PCGF5: variants seen among roughly 807,000 people sequenced by gnomAD.
PCGF5 encodes polycomb group ring finger 5, also known as polycomb group RING finger protein 5.
PCGF5 carries 9 observed loss-of-function variants against 44.3 expected under a neutral mutation model. The observed-to-expected ratio is 0.20, with a 90% CI of 0.12 to 0.35. PCGF5 has a LOEUF of 0.35. PCGF5 is among the 10% of genes least tolerant of loss of function. PCGF5 has a pLI of 1.00. For missense variants in PCGF5, 146 were observed against 305.3 expected, an observed-to-expected ratio of 0.48 and a Z score of 3.89; for synonymous variants, 95 against 102.5, an observed-to-expected ratio of 0.93 and a Z score of 0.44.
intron 2 of PCGF5, chr10:91,227,279 A>C (rs894344925): frequency 2.0e-6 from 1 of 508,340 alleles, no homozygotes; most frequent in Non-Finnish European, 3.6e-6. Flanking sequence ...CTGAGACTTC[A>C]GCTACCTGTG....
intron 1 of PCGF5, among the ~76,000 whole-genome samples, chr10:91,206,038 C>T (rs939935051): frequency 6.6e-6 from 1 of 152,146 alleles, no homozygotes; most frequent in Non-Finnish European, 1.5e-5. Flanking sequence ...AACAAAAAAA[C>T]TAAAAGACAT....
Position 91,222,949 on chromosome 10 carries a change from C to A in PCGF5, c.78C>A (p.Ile26=). Residue 26 remains isoleucine, a synonymous_variant, in exon 2 of 10, where the codon ATC becomes ATA. Coordinates refer to ENST00000336126, the MANE Select transcript of PCGF5 (RefSeq NM_032373.5). The part of the protein sequence containing the change: ...ITCYICKGYL[I]KPTTVTECLH... ...GCTATATCTGTAAAGGGTATCTGATCAAGCCAACAACAGTGACGGAATGCC... is the reference window on the plus strand; with the variant it reads ...GCTATATCTGTAAAGGGTATCTGATAAAGCCAACAACAGTGACGGAATGCC... 1 of 1,610,970 alleles carries A rather than the reference C, an allele frequency of 6.2e-7. No individual in the cohort carries two copies. Among genetic ancestry groups the A allele is most frequent in the Non-Finnish European group, 8.5e-7 (1 of 1,177,110 alleles).
upstream of PCGF5, among the ~76,000 whole-genome samples, chr10:91,159,471 G>A (rs1451788092): frequency 6.6e-6 from 1 of 152,108 alleles, no homozygotes; most frequent in African/African-American, 2.4e-5. Flanking sequence ...ACCCCAGAGA[G>A]CTCCGAGGCT....
upstream of PCGF5, among the ~76,000 whole-genome samples, chr10:91,161,323 G>A (rs977297321): frequency 1.3e-5 from 2 of 151,810 alleles, no homozygotes; most frequent in Non-Finnish European, 2.9e-5. Flanking sequence ...GAATACTTTC[G>A]CTGGATTCAC....
rs1358316812 is a variant in PCGF5 at position 91,279,523 on chromosome 10, A to ATTTTGCAG, written c.*1213_*1220dup. ...AGATCAGAAATACAAAATGTCCTGT[A>ATTTTGCAG]TTTTGCAGTTTTGTTAAGTCTTCCA... On this transcript the variant is annotated 3_prime_UTR_variant, in exon 10 of 10. Coordinates refer to ENST00000336126, the MANE Select transcript of PCGF5 (RefSeq NM_032373.5). 1.3e-5 allele frequency: 2 copies of ATTTTGCAG among 152,112 alleles called. No homozygotes were observed. Among genetic ancestry groups the ATTTTGCAG allele is most frequent in the African/African-American group, 2.4e-5 (1 of 41,466 alleles). The allele number at this position is 152,112 out of a possible 1,614,324, so 9.4% of individuals were successfully genotyped here.
chr10:91,270,075 A>G (rs1166039958), intron 8 of PCGF5, among the ~76,000 whole-genome samples: 2 of 152,246 alleles, frequency 1.3e-5, no homozygotes, highest in Admixed American at 6.5e-5. Flanking sequence ...AACGTTTATT[A>G]TGACTATAAT....
rs1462131099 is a variant in PCGF5, at chr10:91,281,705, C to A, written c.*3389C>A. ...TTAATTTTATATAGTTAGGCAATAA[C>A]CTTGATTAATTGCTAAAATATCACC... On this transcript the variant is annotated 3_prime_UTR_variant, in exon 10 of 10. Coordinates refer to ENST00000336126, the MANE Select transcript of PCGF5 (RefSeq NM_032373.5). The A allele has an allele frequency of 3.9e-5, 6 of 152,504 alleles. No individual in the cohort carries two copies. In the East Asian group the frequency reaches 9.6e-4, roughly 25 times the overall value. The allele number at this position is 152,504 out of a possible 1,614,324, so 9.4% of individuals were successfully genotyped here. A position where few individuals can be genotyped will look rare whatever the true frequency, so the allele number is the denominator to read the frequency against.
chr10:91,176,548 C>G (rs1299092837), intron 1 of PCGF5, among the ~76,000 whole-genome samples: 1 of 152,204 alleles, frequency 6.6e-6, no homozygotes, highest in Non-Finnish European at 1.5e-5. Context: ...TCAGGTACAC[C>G]AATCAGACAT....
intron 1 of PCGF5, among the ~76,000 whole-genome samples, chr10:91,186,309 G>C (rs1346088257): frequency 6.6e-6 from 1 of 152,174 alleles, no homozygotes; most frequent in Non-Finnish European, 1.5e-5. Context: ...TTGCAACTGG[G>C]ATCACCAGCA....
intron 8 of PCGF5, among the ~76,000 whole-genome samples, chr10:91,269,010 A>T (rs1256882052): frequency 6.6e-6 from 1 of 152,204 alleles, no homozygotes; most frequent in Admixed American, 6.5e-5. Context: ...AGGAAAAAAA[A>T]ACATGCTTCT....
intron 1 of PCGF5, among the ~76,000 whole-genome samples, chr10:91,210,727 G>C (rs1015714182): frequency 6.6e-6 from 1 of 152,188 alleles, no homozygotes; most frequent in Non-Finnish European, 1.5e-5. Context: ...CTGTTGTTTG[G>C]TCTCTCCCTT....
intron 1 of PCGF5, among the ~76,000 whole-genome samples, chr10:91,208,835 A>G (rs1040762919): frequency 2.6e-5 from 4 of 152,110 alleles, no homozygotes; most frequent in Non-Finnish European, 5.9e-5. Flanking sequence ...TCAGTGTTGG[A>G]TGTGTCTCTA....
chr10:91,168,927 CA>C (rs1428525767), intron 1 of PCGF5, among the ~76,000 whole-genome samples: 1 of 56,488 alleles, frequency 1.8e-5, no homozygotes, highest in African/African-American at 8.7e-5. Context: ...GACTCCGTCT[CA>C]GAAAAAAAAA....
intron 8 of PCGF5, 63 bp from the exon 9 acceptor site, chr10:91,271,575 T>C: frequency 7.7e-7 from 1 of 1,303,256 alleles, no homozygotes; most frequent in South Asian, 1.2e-5. Flanking sequence ...TTTTAAATAA[T>C]CAATTTTAAA....
At chr10:91,246,800 A>G (rs1845471033) in intron 3 of PCGF5, among the ~76,000 whole-genome samples, 1 of 152,090 alleles carries the variant, frequency 6.6e-6, no homozygotes, top group Non-Finnish European at 1.5e-5. Flanking sequence ...AAAGCGAGAC[A>G]ATGACTGGGC....
At chr10:91,170,814 G>A (rs1183078207) in intron 1 of PCGF5, among the ~76,000 whole-genome samples, 2 of 152,204 alleles carry the variant, frequency 1.3e-5, no homozygotes, top group Non-Finnish European at 2.9e-5. Flanking sequence ...GCACACTGAT[G>A]TTTATAGTAG....
At chr10:91,159,645 G>A (rs1843355845), upstream of PCGF5, among the ~76,000 whole-genome samples, 1 of 152,190 alleles carries the variant, frequency 6.6e-6, no homozygotes, top group Non-Finnish European at 1.5e-5. Flanking sequence ...CCAGTTTATG[G>A]TAGTTTGTTA....
At position 91,280,882 on chromosome 10, in the gene PCGF5, A is replaced by G. The variant is rs181775076; in HGVS notation, c.*2566A>G. On this transcript the variant is annotated 3_prime_UTR_variant, in exon 10 of 10. Coordinates refer to ENST00000336126, the MANE Select transcript of PCGF5 (RefSeq NM_032373.5). The stretch of plus-strand genomic sequence containing the variant: ...ATAAAATGAATTCTTTAAATAACCT[A>G]TAGGAATCATCTGAATCTGTAACAT... 1.9e-3 allele frequency: 293 copies of G among 152,600 alleles called. No homozygotes were observed. The highest frequency in any genetic ancestry group is 6.6e-3 in the African/African-American group (276 of 41,574). 9.5% of individuals were successfully genotyped at this position (152,600 alleles called of 1,614,324 possible). A position where few individuals can be genotyped will look rare whatever the true frequency, so the allele number is the denominator to read the frequency against.
At chr10:91,173,595 T>TTTTTTTTTTA (rs71025342) in intron 1 of PCGF5, among the ~76,000 whole-genome samples, 1 of 140,836 alleles carries the variant, frequency 7.1e-6, no homozygotes, top group Non-Finnish European at 1.6e-5. Context: ...TTTTTTTTTT[T>TTTTTTTTTTA]CCCACAGAAG....
Sources: gnomAD v4.1 joint callset for allele counts (sites outside exome capture counted in the v4.1 genomes callset) on GRCh38, gnomAD v4.1.1 for gene constraint, MANE v1.5 for transcripts, NCBI Gene and HGNC (gene_info 2026-07-23, HGNC 2026-07-21) for gene names.